TTC28: variants seen among roughly 807,000 people sequenced by gnomAD.
The protein encoded by TTC28 is tetratricopeptide repeat protein 28.
In TTC28, 61 loss-of-function variants were observed where a neutral mutation model predicts 198.0. The ratio of observed to expected loss-of-function variants is 0.31; its 90% CI spans 0.25 to 0.38. The LOEUF (loss-of-function observed/expected upper bound fraction) is 0.38, where lower values mean the gene tolerates loss of function less well. Among genes scored for constraint, TTC28 ranks in the 10% least tolerant of loss-of-function variants. TTC28 has a pLI of 1.00. For missense variants in TTC28, 2,678 were observed against 3,164.0 expected, an observed-to-expected ratio of 0.85 and a Z score of 3.69; for synonymous variants, 1,171 against 1,297.8, an observed-to-expected ratio of 0.90 and a Z score of 2.10.
At chr22:28,426,228 A>AG (rs1329781462) in intron 2 of TTC28, among the ~76,000 whole-genome samples, 4 of 151,272 alleles carry the variant, frequency 2.6e-5, no homozygotes, top group African/African-American at 9.7e-5. Context: ...AAAAAAAAAA[A>AG]AAAGAAAGAA....
At chr22:28,155,200 C>T (rs1943724938) in intron 6 of TTC28, among the ~76,000 whole-genome samples, 1 of 152,194 alleles carries the variant, frequency 6.6e-6, no homozygotes, top group African/African-American at 2.4e-5. Context: ...CAGGAGTATA[C>T]AGAATCAAAC....
chr22:28,085,728 A>C (rs1362018151), intron 12 of TTC28, among the ~76,000 whole-genome samples: 3 of 152,134 alleles, frequency 2.0e-5, no homozygotes, highest in Non-Finnish European at 4.4e-5. Context: ...AATTGGATAA[A>C]GAGTCAAGAC....
At chr22:28,525,277 C>G (rs2881496) in intron 2 of TTC28, among the ~76,000 whole-genome samples, 129,707 of 152,092 alleles carry the variant, frequency 0.85, 55,545 homozygotes, top group Middle Eastern at 0.94. Flanking sequence ...CTCAGCCTCT[C>G]GAGTAGCTAG....
chr22:28,376,872 T>C (rs1009077410), intron 2 of TTC28, among the ~76,000 whole-genome samples: 1 of 151,980 alleles, frequency 6.6e-6, no homozygotes, highest in Admixed American at 6.6e-5. Context: ...GTGAGAAAAC[T>C]ACCCAAGGCT....
chr22:27,993,691 C>G (rs1399656346), intron 17 of TTC28, among the ~76,000 whole-genome samples, 173 bp from the exon 18 acceptor site: 1 of 152,130 alleles, frequency 6.6e-6, no homozygotes, highest in Admixed American at 6.5e-5. Context: ...AGGCATCTTG[C>G]AAGGGAGGGC....
chr22:28,290,746 C>CA (rs1360232219), intron 5 of TTC28, among the ~76,000 whole-genome samples: 3 of 152,008 alleles, frequency 2.0e-5, no homozygotes, highest in East Asian at 3.9e-4. Context: ...CCTTGCTCTA[C>CA]AAAAATTTTT....
intron 2 of TTC28, among the ~76,000 whole-genome samples, chr22:28,628,920 G>T (rs1338281588): frequency 1.4e-5 from 2 of 142,738 alleles, no homozygotes; most frequent in South Asian, 4.5e-4. Context: ...AAAGAAAAAA[G>T]GAAAAAGGAA....
rs931919178 is a variant in TTC28, at chr22:28,107,862, C to T, written c.1983G>A (p.Leu661=). 2 of 1,551,684 alleles carry T rather than the reference C, an allele frequency of 1.3e-6. No individual in the cohort carries two copies. The highest frequency in any genetic ancestry group is 2.7e-5 in the African/African-American group (2 of 73,048). ...QEAVKYYEQD[L]ALAKDLHDKL... ...TGTCGTGAAGGTCTTTAGCCAGTGC[C>T]AGATCCTGTTCGTAGTACTTCACTG... Residue 661 remains leucine, a synonymous_variant, in exon 7 of 23, where the codon CTG becomes CTA. Coordinates refer to ENST00000397906, the MANE Select transcript of TTC28 (RefSeq NM_001145418.2).
At chr22:28,091,423 C>T (rs1941810234) in intron 12 of TTC28, among the ~76,000 whole-genome samples, 1 of 152,078 alleles carries the variant, frequency 6.6e-6, no homozygotes, top group Non-Finnish European at 1.5e-5. Flanking sequence ...GGATGTGGTC[C>T]CCACATTGCC....
At chr22:28,226,572 G>A (rs1427892949) in intron 5 of TTC28, among the ~76,000 whole-genome samples, 1 of 152,040 alleles carries the variant, frequency 6.6e-6, no homozygotes, top group Non-Finnish European at 1.5e-5. Context: ...GACTACAGGT[G>A]GGCGCTACCA....
chr22:27,982,133 G>T lies in TTC28; in HGVS notation c.*88C>A. 2.3e-6 allele frequency: 3 copies of T among 1,325,850 alleles called. No homozygotes were observed. Among genetic ancestry groups the T allele is most frequent in the South Asian group, 3.2e-5 (2 of 62,200 alleles). 82.1% of individuals were successfully genotyped at this position (1,325,850 alleles called of 1,614,324 possible). On this transcript the variant is annotated 3_prime_UTR_variant, in exon 23 of 23. Transcript: ENST00000397906. This position sits in a 1 kb window ranked among gnomAD's most constrained non-coding sequence, Gnocchi z 5.2. ...CAGCATCATGAGGGTGCTGGTGGCT[G>T]TGGGGGGACTGCACTCAGGGAAGGG...
chr22:28,614,983 G>GA (rs923939359), intron 2 of TTC28, among the ~76,000 whole-genome samples: 10 of 151,992 alleles, frequency 6.6e-5, no homozygotes, highest in African/African-American at 2.4e-4. Context: ...ACAGCAAAAA[G>GA]AAACTATCAT....
chr22:28,511,965 A>C (rs980446063), intron 2 of TTC28, among the ~76,000 whole-genome samples: 2 of 152,194 alleles, frequency 1.3e-5, no homozygotes, highest in Admixed American at 6.5e-5. Flanking sequence ...AATTAAACTA[A>C]AGAGCTTCTT....
chr22:28,050,387 A>T (rs977708616), intron 12 of TTC28, among the ~76,000 whole-genome samples: 5 of 152,132 alleles, frequency 3.3e-5, no homozygotes, highest in Non-Finnish European at 7.4e-5. Context: ...TTTAAATTTC[A>T]TTTGATTCTG....
chr22:28,473,866 A>C (rs965709657), intron 2 of TTC28, among the ~76,000 whole-genome samples: 2 of 152,212 alleles, frequency 1.3e-5, no homozygotes, highest in Non-Finnish European at 2.9e-5. Context: ...ATGTGAAAGA[A>C]GCAGACCATC....
chr22:28,254,035 C>T lies in TTC28; in HGVS notation c.933+42163G>A, dbSNP rs1372645261. Among the ~76,000 whole-genome samples, 7 of 148,844 alleles carry T rather than the reference C, an allele frequency of 4.7e-5. No homozygotes were observed. In the Admixed American group the frequency reaches 4.8e-4, roughly 10 times the overall value. On this transcript the variant is annotated intron_variant, in intron 5 of 22. Transcript: ENST00000397906. ...AGGAGGATTGCTTGAACCCAGGAGG[C>T]GGAGGTTGCAGTGAGCCGAGATAAC...
At position 28,005,637 on chromosome 22, in the gene TTC28, G is replaced by A. The variant is rs894148982; in HGVS notation, c.4219-4084C>T. 8.5e-5 allele frequency among the ~76,000 whole-genome samples: 13 copies of A among 152,150 alleles called. No individual in the cohort carries two copies. The highest frequency in any genetic ancestry group is 2.6e-4 in the Admixed American group (4 of 15,282). ...GCCTGCCCAGCCACGGGCCCAGAGC[G>A]CTGTCCCGTTGCCACCTTGCAGTCT... On this transcript the variant is annotated intron_variant, in intron 14 of 22. Coordinates refer to ENST00000397906, the MANE Select transcript of TTC28 (RefSeq NM_001145418.2). The surrounding 1 kb of genome is among the most constrained non-coding windows in gnomAD (Gnocchi z 4.9).
chr22:28,209,809 T>C (rs1926751275), intron 5 of TTC28, among the ~76,000 whole-genome samples: 3 of 152,140 alleles, frequency 2.0e-5, no homozygotes, highest in Non-Finnish European at 1.5e-5. Flanking sequence ...AGCACGGAGT[T>C]TGAGATCTGA....
In TTC28 at chr22:28,284,319, G is replaced by C. The variant is rs1344906421; in HGVS notation, c.933+11879C>G. 3.3e-5 allele frequency among the ~76,000 whole-genome samples: 5 copies of C among 152,212 alleles called. No homozygotes were observed. The East Asian group carries it at 7.7e-4, about 23-fold the overall frequency. Reference sequence around the variant, plus strand: ...GAACACCATTACAAACAAATATATGGGAAGTGCTGTAACTAAGGGATCACC... The same window carrying C: ...GAACACCATTACAAACAAATATATGCGAAGTGCTGTAACTAAGGGATCACC... On this transcript the variant is annotated intron_variant, in intron 5 of 22. Transcript: ENST00000397906.
Sources: allele counts gnomAD v4.1 joint callset (sites outside exome capture counted in the v4.1 genomes callset), GRCh38; gene constraint gnomAD v4.1.1; non-coding constraint Gnocchi (gnomAD v3.1); transcripts MANE v1.5; gene names NCBI Gene and HGNC (gene_info 2026-07-23, HGNC 2026-07-21).